Variants in CDH2 observed in about 807,000 individuals in gnomAD.
CDH2 encodes cadherin-2.
CDH2 carries 17 observed loss-of-function variants against 92.0 expected under a neutral mutation model. The ratio of observed to expected loss-of-function variants is 0.18; its 90% CI spans 0.13 to 0.28. The LOEUF is 0.28. CDH2 is among the 10% of genes least tolerant of loss of function. The pLI is 1.00. For missense variants in CDH2, 862 were observed against 1,133.1 expected, an observed-to-expected ratio of 0.76 and a Z score of 3.44; for synonymous variants, 419 against 415.9, an observed-to-expected ratio of 1.01 and a Z score of -0.09.
chr18:28,143,451 CA>C (rs1287187480), intron 2 of CDH2, among the ~76,000 whole-genome samples: 1 of 151,824 alleles, frequency 6.6e-6, no homozygotes, highest in Non-Finnish European at 1.5e-5. Flanking sequence ...ATATTATCTT[CA>C]AAAGCCCCAG....
intron 14 of CDH2, among the ~76,000 whole-genome samples, chr18:27,975,371 G>C (rs1217340736): frequency 6.6e-6 from 1 of 152,220 alleles, no homozygotes; most frequent in African/African-American, 2.4e-5. Context: ...CTGCCTGACA[G>C]AAAAGTCCTC....
Position 28,147,721 on chromosome 18 carries a change from T to C in CDH2, c.124A>G (p.Ser42Gly). ...CKTGFPEDVY[S>G]AVLSKDVHEG... ...TGCACATCCTTCGATAAGACTGCACTGTAAACATCTTCAGGAAATCCAGTC... is the reference window on the plus strand; with the variant it reads ...TGCACATCCTTCGATAAGACTGCACCGTAAACATCTTCAGGAAATCCAGTC... The change falls in exon 2 of 16, where the codon AGT becomes GGT. Residue 42 changes from serine to glycine, a missense_variant. Physicochemically the swap from Ser to Gly is moderately conservative, Grantham distance 56. Coordinates refer to ENST00000269141, the MANE Select transcript of CDH2 (RefSeq NM_001792.5). The C allele has an allele frequency of 6.2e-7, 1 of 1,613,104 alleles. No homozygotes were observed. Among genetic ancestry groups the C allele is most frequent in the Non-Finnish European group, 8.5e-7 (1 of 1,179,468 alleles).
At chr18:28,099,612 C>A (rs1172564658) in intron 2 of CDH2, among the ~76,000 whole-genome samples, 1 of 151,898 alleles carries the variant, frequency 6.6e-6, no homozygotes, top group Admixed American at 6.6e-5. Flanking sequence ...AAGGGCAAAA[C>A]CAACCAAACC....
At chr18:27,972,766 TA>T (rs1422108202) in intron 14 of CDH2, among the ~76,000 whole-genome samples, 1 of 152,030 alleles carries the variant, frequency 6.6e-6, no homozygotes, top group Middle Eastern at 3.4e-3. Context: ...GATACTGAAA[TA>T]AAAAATAAGT....
rs368266000 is a variant in CDH2 at position 27,963,513 on chromosome 18, G to A, written c.2358C>T (p.Asp786=). 3.1e-6 allele frequency: 5 copies of A among 1,613,824 alleles called. No individual in the cohort carries two copies. The African/African-American group carries it at 5.3e-5, about 17-fold the overall frequency. ...TGTCAGGCTGCTGCAGCTGGCTCAAGTCATAGTCCTGCAAAAAGACAAAAT... is the reference window on the plus strand; with the variant it reads ...TGTCAGGCTGCTGCAGCTGGCTCAAATCATAGTCCTGCAAAAAGACAAAAT... ...EGGGEEDQDY[D]LSQLQQPDTV... is the part of the protein sequence containing the mutation. The change falls in exon 15 of 16, where the codon GAC becomes GAT. Residue 786 remains aspartate, a synonymous_variant. Transcript: ENST00000269141.
intron 2 of CDH2, among the ~76,000 whole-genome samples, chr18:28,143,193 G>C (rs995005065): frequency 6.6e-6 from 1 of 151,964 alleles, no homozygotes; most frequent in African/African-American, 2.4e-5. Context: ...AGTTTACTTA[G>C]AGAAATATCT....
At chr18:28,069,125 A>C (rs1471545524) in intron 2 of CDH2, among the ~76,000 whole-genome samples, 1 of 152,172 alleles carries the variant, frequency 6.6e-6, no homozygotes, top group African/African-American at 2.4e-5. Flanking sequence ...AATTATAGTA[A>C]ACTTGACAAA....
downstream of CDH2, among the ~76,000 whole-genome samples, chr18:27,946,537 C>A (rs994995751): frequency 2.0e-5 from 3 of 151,816 alleles, no homozygotes; most frequent in Non-Finnish European, 4.4e-5. Context: ...CTGAAGAAAA[C>A]CTATCCCCAA....
intron 4 of CDH2, among the ~76,000 whole-genome samples, chr18:28,010,685 G>C (rs531817389): frequency 1.5e-4 from 22 of 150,974 alleles, no homozygotes; most frequent in Admixed American, 2.6e-4. Context: ...TTTTTTGCGG[G>C]GGGGGAAGGA....
chr18:28,127,675 A>C (rs914328654), intron 2 of CDH2, among the ~76,000 whole-genome samples: 2 of 152,224 alleles, frequency 1.3e-5, no homozygotes, highest in African/African-American at 4.8e-5. Context: ...CAACTACATC[A>C]GAAAAAAACA....
At position 28,100,466 on chromosome 18, in the gene CDH2, T is replaced by C. The variant is rs552672647; in HGVS notation, c.172+47207A>G. On this transcript the variant is annotated intron_variant, in intron 2 of 15. Transcript: ENST00000269141. The stretch of plus-strand genomic sequence containing the variant: ...CCATCAGCTCTCTTGGGTCTCCAGC[T>C]TGCTGACTCAACCTGCAGATCTTGG... 3.3e-5 allele frequency among the ~76,000 whole-genome samples: 5 copies of C among 152,352 alleles called. No homozygotes were observed. In the South Asian group the frequency reaches 8.3e-4, roughly 25 times the overall value.
chr18:28,016,562 T>C (rs1159369478), intron 2 of CDH2, among the ~76,000 whole-genome samples: 1 of 152,178 alleles, frequency 6.6e-6, no homozygotes, highest in Non-Finnish European at 1.5e-5. Context: ...CTTCAGATTA[T>C]GTCACATGTT....
Position 27,985,545 on chromosome 18 carries a change from G to A in CDH2, c.1958C>T (p.Thr653Ile). Residue 653 changes from threonine (T) to isoleucine (I), a missense_variant, in exon 12 of 16, where the codon ACC becomes ATC. Coordinates refer to ENST00000269141, the MANE Select transcript of CDH2 (RefSeq NM_001792.5). ...LSPVTIKRNW[T>I]ITRLNGDFAQ... ...GTTCTTACCATTAAGCCGAGTGATG[G>A]TCCAATTTCTCTTAATAGTCACTGG... 6.2e-7 allele frequency: 1 copy of A among 1,607,462 alleles called. No individual in the cohort carries two copies. The highest frequency in any genetic ancestry group is 8.5e-7 in the Non-Finnish European group (1 of 1,174,024).
intron 12 of CDH2, 145 bp from the exon 13 acceptor site, chr18:27,985,378 C>T (rs951981759): frequency 1.8e-5 from 14 of 782,770 alleles, no homozygotes; most frequent in Admixed American, 1.1e-4. Flanking sequence ...CTTTTTTGGC[C>T]GTAAAGGCCT....
chr18:28,055,277 C>G (rs934046947), intron 2 of CDH2, among the ~76,000 whole-genome samples: 1 of 152,192 alleles, frequency 6.6e-6, no homozygotes, highest in African/African-American at 2.4e-5. Flanking sequence ...ATTCAATTAT[C>G]TCCCACCAGG....
chr18:27,957,133 C>CCCATCCATCTAT (rs1555627673), intron 15 of CDH2, among the ~76,000 whole-genome samples: 4 of 151,472 alleles, frequency 2.6e-5, no homozygotes, highest in African/African-American at 9.7e-5. Context: ...ATCCATCCAT[C>CCCATCCATCTAT]CCATCCATCC....
chr18:28,044,719 A>G (rs925825004), intron 2 of CDH2, among the ~76,000 whole-genome samples: 18 of 152,172 alleles, frequency 1.2e-4, no homozygotes, highest in African/African-American at 4.1e-4. Context: ...TGGGCCTGCT[A>G]ATTATTAGAT....
intron 2 of CDH2, among the ~76,000 whole-genome samples, chr18:28,110,689 C>T (rs1030690428): frequency 1.3e-5 from 2 of 151,980 alleles, no homozygotes; most frequent in South Asian, 2.1e-4. Context: ...AATTAATGAT[C>T]GTGAAATCAA....
chr18:28,173,183 A>G lies in CDH2; in HGVS notation c.60+3780T>C, dbSNP rs2016489588. On this transcript the variant is annotated intron_variant, in intron 1 of 15. Transcript: ENST00000269141. The stretch of plus-strand genomic sequence containing the variant: ...TAGAAGGTTAGGGCAGACTTTGATG[A>G]AAGTATAAAAGTCAGAAAGTACCTA... Among the ~76,000 whole-genome samples the G allele has an allele frequency of 2.6e-5, 4 of 152,158 alleles. No individual in the cohort carries two copies. The South Asian group carries it at 8.3e-4, about 31-fold the overall frequency.
Sources: gnomAD v4.1 joint callset for allele counts (sites outside exome capture counted in the v4.1 genomes callset) on GRCh38, gnomAD v4.1.1 for gene constraint, MANE v1.5 for transcripts, NCBI Gene and HGNC (gene_info 2026-07-23, HGNC 2026-07-21) for gene names.